The following SCAPER variants were observed in gnomAD, a reference collection of about 807,000 sequenced individuals.
The protein encoded by SCAPER is S phase cyclin A-associated protein in the endoplasmic reticulum.
SCAPER carries 98 observed loss-of-function variants against 182.2 expected under a neutral mutation model. The ratio of observed to expected loss-of-function variants is 0.54; its 90% CI spans 0.46 to 0.64. The LOEUF (loss-of-function observed/expected upper bound fraction) is 0.64. Among genes scored for constraint, SCAPER ranks in the 30% least tolerant of loss-of-function variants. The pLI is 0.00. For synonymous variants in SCAPER, 605 were observed against 564.6 expected (o/e 1.07, Z -1.01); for missense variants, 1,432 against 1,690.0 (o/e 0.85, Z 2.68).
chr15:76,728,547 G>A, intron 17 of SCAPER, 48 bp downstream of exon 17: 2 of 1,608,900 alleles, frequency 1.2e-6, no homozygotes, highest in Middle Eastern at 3.3e-4. Context: ...ACCTCAACTT[G>A]AATATTCACT....
At chr15:76,840,202 G>A (rs1221126421) in intron 5 of SCAPER, among the ~76,000 whole-genome samples, 1 of 152,088 alleles carries the variant, frequency 6.6e-6, no homozygotes, top group Non-Finnish European at 1.5e-5. Flanking sequence ...AGGATCGCTT[G>A]AGCCCAGGAG....
chr15:76,619,800 G>A (rs527525241), intron 22 of SCAPER, among the ~76,000 whole-genome samples: 6 of 152,104 alleles, frequency 3.9e-5, no homozygotes, highest in African/African-American at 9.6e-5. Flanking sequence ...CTTAAAGGTC[G>A]GGCACGATGG....
intron 9 of SCAPER, 77 bp from the exon 10 acceptor site, chr15:76,772,031 G>T: frequency 9.1e-7 from 1 of 1,101,320 alleles, no homozygotes; most frequent in Non-Finnish European, 1.3e-6. Flanking sequence ...AGATGATTTT[G>T]CTTAACCTAT....
intron 6 of SCAPER, among the ~76,000 whole-genome samples, chr15:76,801,096 A>C (rs952656433): frequency 5.3e-5 from 8 of 152,206 alleles, no homozygotes; most frequent in Non-Finnish European, 1.2e-4. Flanking sequence ...TTGTTTTTTA[A>C]ATTATACGTT....
At chr15:76,481,013 G>A (rs754260266) in intron 24 of SCAPER, among the ~76,000 whole-genome samples, 7 of 152,142 alleles carry the variant, frequency 4.6e-5, no homozygotes, top group Non-Finnish European at 7.3e-5. Flanking sequence ...TTACAGGCAT[G>A]AGCCACCGCG....
intron 24 of SCAPER, among the ~76,000 whole-genome samples, chr15:76,497,904 T>C (rs1370181621): frequency 6.9e-6 from 1 of 145,648 alleles, no homozygotes; most frequent in African/African-American, 2.5e-5. Context: ...GGCAGGAGAA[T>C]TGCTTGAACC....
chr15:76,895,647 T>A (rs1365766056), intron 1 of SCAPER, among the ~76,000 whole-genome samples: 1 of 152,132 alleles, frequency 6.6e-6, no homozygotes, highest in Non-Finnish European at 1.5e-5. Flanking sequence ...TTAGAACTAA[T>A]AAATTCAATA....
intron 24 of SCAPER, among the ~76,000 whole-genome samples, 180 bp from the exon 25 acceptor site, chr15:76,471,515 C>T (rs1374661957): frequency 6.6e-6 from 1 of 152,198 alleles, no homozygotes; most frequent in Admixed American, 6.5e-5. Flanking sequence ...TTATAATTTT[C>T]ACCCAAAGCC....
intron 14 of SCAPER, among the ~76,000 whole-genome samples, chr15:76,761,470 A>G (rs1380946149): frequency 6.6e-6 from 1 of 152,176 alleles, no homozygotes; most frequent in African/African-American, 2.4e-5. Flanking sequence ...GTTTTGCTAC[A>G]TCTCACAAAT....
chr15:76,368,251 G>T (rs1424970359), intron 29 of SCAPER, among the ~76,000 whole-genome samples: 1 of 152,152 alleles, frequency 6.6e-6, no homozygotes. Flanking sequence ...TGCCTTTGAG[G>T]CAAAGAGTGA....
chr15:76,740,235 G>A (rs965648864), intron 15 of SCAPER, among the ~76,000 whole-genome samples: 4 of 152,156 alleles, frequency 2.6e-5, no homozygotes, highest in Non-Finnish European at 4.4e-5. Flanking sequence ...CAGTGAAGAT[G>A]AATAGATAAT....
chr15:76,685,000 A>T (rs1391745206), intron 20 of SCAPER, among the ~76,000 whole-genome samples: 1 of 152,050 alleles, frequency 6.6e-6, no homozygotes, highest in Non-Finnish European at 1.5e-5. Flanking sequence ...TATAGTAGTG[A>T]ACAGAATATT....
intron 4 of SCAPER, among the ~76,000 whole-genome samples, chr15:76,854,609 T>C (rs80336280): frequency 0.014 from 2,080 of 151,938 alleles, 39 homozygotes; most frequent in African/African-American, 0.048. Context: ...TAAAAAACTA[T>C]TTAAAATTCA....
In SCAPER at chr15:76,778,980, T is replaced by C. The variant is rs554492829; in HGVS notation, c.773-3863A>G. Among the ~76,000 whole-genome samples, 6 of 151,964 alleles carry C rather than the reference T, an allele frequency of 3.9e-5. 1 individual carries two copies. Among genetic ancestry groups the C allele is most frequent in the African/African-American group, 1.4e-4 (6 of 41,506 alleles). ...GAGAATCCTGAACAAAGAAAATTAC[T>C]AAGGACAAAAAATATATTGGATAAT... On this transcript the variant is annotated intron_variant, in intron 8 of 31. Coordinates refer to ENST00000563290, the MANE Select transcript of SCAPER (RefSeq NM_020843.4).
chr15:76,634,950 T>C (rs1042908530), intron 21 of SCAPER, among the ~76,000 whole-genome samples: 2 of 152,160 alleles, frequency 1.3e-5, no homozygotes, highest in African/African-American at 2.4e-5. Context: ...TAACAAGGTA[T>C]AGCAAAACTA....
At chr15:76,699,376 C>T (rs1328435995) in intron 20 of SCAPER, among the ~76,000 whole-genome samples, 2 of 152,134 alleles carry the variant, frequency 1.3e-5, no homozygotes, top group African/African-American at 4.8e-5. Context: ...TTTTGCCCCT[C>T]CACTATGATG....
chr15:76,724,332 A>G (rs1598383158), intron 17 of SCAPER, among the ~76,000 whole-genome samples: 1 of 152,124 alleles, frequency 6.6e-6, no homozygotes, highest in Non-Finnish European at 1.5e-5. Flanking sequence ...TGGCTAACCC[A>G]ACCTTTCTCT....
At chr15:76,439,093 T>C (rs967031207) in intron 25 of SCAPER, among the ~76,000 whole-genome samples, 5 of 152,112 alleles carry the variant, frequency 3.3e-5, no homozygotes, top group African/African-American at 1.2e-4. Flanking sequence ...AATGATTTTT[T>C]TTTTTTTAAG....
chr15:76,423,507 T>A (rs1226986653), intron 26 of SCAPER, among the ~76,000 whole-genome samples: 3 of 152,238 alleles, frequency 2.0e-5, no homozygotes, highest in African/African-American at 7.2e-5. Context: ...GATTATTCTC[T>A]CTTTTCTTCT....
Sources: allele counts gnomAD v4.1 joint callset (sites outside exome capture counted in the v4.1 genomes callset), GRCh38; gene constraint gnomAD v4.1.1; transcripts MANE v1.5; gene names NCBI Gene and HGNC (gene_info 2026-07-23, HGNC 2026-07-21).